IFNLR1: variants seen among roughly 807,000 people sequenced by gnomAD.
IFNLR1 encodes the protein interferon lambda receptor 1.
Under a neutral mutation model 52.5 loss-of-function variants are expected in IFNLR1, and 28 were observed. The observed-to-expected ratio is 0.53, with a 90% CI of 0.40 to 0.73. The LOEUF (loss-of-function observed/expected upper bound fraction) is 0.73, where lower values mean the gene tolerates loss of function less well. Among genes scored for constraint, IFNLR1 ranks in the 30% least tolerant of loss-of-function variants. The pLI, the probability that IFNLR1 is intolerant of heterozygous loss-of-function variation, is 0.00. For synonymous variants in IFNLR1, 276 were observed against 274.9 expected (o/e 1.00, Z -0.04); for missense variants, 623 against 659.1 (o/e 0.95, Z 0.60).
chr1:24,169,300 C>T (rs539157477), intron 3 of IFNLR1, 117 bp downstream of exon 3: 12 of 958,540 alleles, frequency 1.3e-5, no homozygotes, highest in Non-Finnish European at 1.9e-5. Flanking sequence ...AGGGAGCTGC[C>T]CTCTGCTTTG....
At chr1:24,162,778 TTTTCTTTCTTTTTC>T (rs558001356) in intron 3 of IFNLR1, among the ~76,000 whole-genome samples, 345 of 33,890 alleles carry the variant, frequency 0.01, 21 homozygotes, top group African/African-American at 0.025. Context: ...CTTTCTTTCT[TTTTCTTTCTTTTTC>T]TTTCTTTCTT....
chr1:24,181,782 A>G (rs1172250263), intron 1 of IFNLR1, among the ~76,000 whole-genome samples: 5 of 152,204 alleles, frequency 3.3e-5, no homozygotes, highest in Non-Finnish European at 5.9e-5. Context: ...CAATGGTCAG[A>G]CAGGCATAAA....
intron 2 of IFNLR1, among the ~76,000 whole-genome samples, chr1:24,173,790 A>G (rs1644605152): frequency 6.6e-6 from 1 of 151,770 alleles, no homozygotes; most frequent in Non-Finnish European, 1.5e-5. Flanking sequence ...GCAGGGCTAC[A>G]GGTGTACGCC....
At chr1:24,171,795 T>C (rs899505807) in intron 2 of IFNLR1, among the ~76,000 whole-genome samples, 2 of 152,190 alleles carry the variant, frequency 1.3e-5, no homozygotes, top group Non-Finnish European at 2.9e-5. Context: ...TAGCTGGGAT[T>C]ACAGGCACCT....
chr1:24,158,535 C>T (rs2148585334), intron 6 of IFNLR1, among the ~76,000 whole-genome samples: 1 of 152,302 alleles, frequency 6.6e-6, no homozygotes, highest in South Asian at 2.1e-4. Flanking sequence ...GCCCAAGCTG[C>T]CCCTGCCAGC....
intron 1 of IFNLR1, among the ~76,000 whole-genome samples, chr1:24,181,746 A>T (rs1644692627): frequency 6.6e-6 from 1 of 152,130 alleles, no homozygotes; most frequent in African/African-American, 2.4e-5. Flanking sequence ...GTTGCTGGGA[A>T]CACAGTCTGG....
intron 6 of IFNLR1, among the ~76,000 whole-genome samples, chr1:24,158,145 C>T (rs1644402797): frequency 6.6e-6 from 1 of 152,182 alleles, no homozygotes; most frequent in African/African-American, 2.4e-5. Context: ...GGCACACGCA[C>T]CTCAGAACCA....
intron 2 of IFNLR1, among the ~76,000 whole-genome samples, chr1:24,169,884 C>G (rs142294553): frequency 6.6e-6 from 1 of 152,334 alleles, no homozygotes; most frequent in African/African-American, 2.4e-5. Flanking sequence ...ATCTGTAATG[C>G]CTCCCTCACA....
intron 2 of IFNLR1, among the ~76,000 whole-genome samples, chr1:24,173,505 C>T (rs1235346818): frequency 6.6e-6 from 1 of 152,156 alleles, no homozygotes; most frequent in Non-Finnish European, 1.5e-5. Context: ...AACAATGGTA[C>T]AGTCACTTTG....
intron 4 of IFNLR1, 79 bp from the exon 5 acceptor site, chr1:24,159,712 A>G: frequency 1.0e-6 from 1 of 999,342 alleles, no homozygotes; most frequent in South Asian, 1.8e-5. Context: ...TGGGGTTGGC[A>G]GACATGGTAG....
rs1263465780 is a variant in IFNLR1 at position 24,172,814 on chromosome 1, CAGCA to C, written c.183-3217_183-3214del. 7.2e-5 allele frequency among the ~76,000 whole-genome samples: 11 copies of C among 152,282 alleles called. No homozygotes were observed. The East Asian group carries it at 2.1e-3, about 29-fold the overall frequency. On this transcript the variant is annotated intron_variant, in intron 2 of 6. Transcript: ENST00000327535. ...GGCTGGAAGTCCAAGATCAAGGCATCAGCAGGTTTGGTTTCTACTGAGGCCTCTC... is the reference window on the plus strand; with the variant it reads ...GGCTGGAAGTCCAAGATCAAGGCATCGGTTTGGTTTCTACTGAGGCCTCTC...
At chr1:24,168,682 C>G (rs867358057) in intron 3 of IFNLR1, among the ~76,000 whole-genome samples, 44 of 151,970 alleles carry the variant, frequency 2.9e-4, no homozygotes, top group Non-Finnish European at 5.9e-4. Context: ...TTTACCCCCC[C>G]ACCCCCCACA....
At chr1:24,175,742 G>A (rs1644625011) in intron 2 of IFNLR1, among the ~76,000 whole-genome samples, 1 of 152,128 alleles carries the variant, frequency 6.6e-6, no homozygotes. Flanking sequence ...AGACCAGCCT[G>A]GCTAACACGG....
At chr1:24,162,587 G>A (rs1471558268) in intron 3 of IFNLR1, among the ~76,000 whole-genome samples, 2 of 152,210 alleles carry the variant, frequency 1.3e-5, no homozygotes, top group Non-Finnish European at 2.9e-5. Flanking sequence ...GGAAGTCCAA[G>A]AGCATGGCAC....
In IFNLR1 at chr1:24,156,304, T is replaced by C. The variant is rs981114826; in HGVS notation, c.*826A>G. ...GGGTTTAGGGGCCACAGGTGGGAGA[T>C]GCCCAGGGGTCTCCTGGAGCCTGGA... is the stretch of plus-strand genomic sequence containing the variant. On this transcript the variant is annotated 3_prime_UTR_variant, in exon 7 of 7. Coordinates refer to ENST00000327535, the MANE Select transcript of IFNLR1 (RefSeq NM_170743.4). 1 of 152,310 alleles carries C rather than the reference T, an allele frequency of 6.6e-6. No individual in the cohort carries two copies. The highest frequency in any genetic ancestry group is 1.9e-4 in the East Asian group (1 of 5,176). 9.4% of individuals were successfully genotyped at this position (152,310 alleles called of 1,614,324 possible). A position where few individuals can be genotyped will look rare whatever the true frequency, so the allele number is the denominator to read the frequency against.
intron 4 of IFNLR1, among the ~76,000 whole-genome samples, 184 bp from the exon 5 acceptor site, chr1:24,159,817 C>G (rs1339971266): frequency 6.7e-6 from 1 of 149,748 alleles, no homozygotes; most frequent in Admixed American, 6.7e-5. Flanking sequence ...GATCACAGCT[C>G]ACTGCAGCCT....
At chr1:24,165,523 G>A (rs59363706) in intron 3 of IFNLR1, among the ~76,000 whole-genome samples, 33,158 of 152,166 alleles carry the variant, frequency 0.22, 3,931 homozygotes, top group East Asian at 0.5. Flanking sequence ...CCGATAGTCT[G>A]TTGAGGGCCT....
chr1:24,162,748 C>CTT (rs71575794), intron 3 of IFNLR1, among the ~76,000 whole-genome samples: 3 of 40,018 alleles, frequency 7.5e-5, no homozygotes, highest in Non-Finnish European at 1.0e-4. Flanking sequence ...TTCTTTCTTT[C>CTT]TTTCTTTCTT....
intron 2 of IFNLR1, 40 bp downstream of exon 2, chr1:24,180,691 C>CCCCCCCTGG: frequency 7.0e-7 from 1 of 1,437,890 alleles, no homozygotes; most frequent in Non-Finnish European, 9.6e-7. Flanking sequence ...CACCCACCCC[C>CCCCCCCTGG]TCAGTCTTCC....
Sources: allele counts gnomAD v4.1 joint callset (sites outside exome capture counted in the v4.1 genomes callset), GRCh38; gene constraint gnomAD v4.1.1; transcripts MANE v1.5; gene names NCBI Gene and HGNC (gene_info 2026-07-23, HGNC 2026-07-21).